Variants in RBM26 observed in about 807,000 individuals in gnomAD.
The protein encoded by RBM26 is RNA-binding protein 26.
In RBM26, 30 loss-of-function variants were observed where a neutral mutation model predicts 123.6. The ratio of observed to expected loss-of-function variants is 0.24; its 90% confidence interval spans 0.18 to 0.33. RBM26 has a LOEUF of 0.33. Among genes scored for constraint, RBM26 ranks in the 10% least tolerant of loss-of-function variants. RBM26 has a pLI of 1.00. For synonymous variants in RBM26, 400 were observed against 404.4 expected (o/e 0.99, Z 0.13); for missense variants, 947 against 1,203.6 (o/e 0.79, Z 3.15).
downstream of RBM26, among the ~76,000 whole-genome samples, chr13:79,315,261 G>A (rs1259178507): frequency 2.6e-5 from 4 of 151,666 alleles, no homozygotes; most frequent in South Asian, 2.1e-4. Context: ...TTTTCATTGC[G>A]AAAACTACTT....
intron 1 of RBM26, among the ~76,000 whole-genome samples, chr13:79,400,409 T>C (rs962946568): frequency 1.1e-4 from 16 of 143,874 alleles, no homozygotes; most frequent in African/African-American, 3.7e-4. Context: ...AGGTCTCCCA[T>C]AGCAGAAGTC....
chr13:79,401,033 A>G (rs2079019826), intron 1 of RBM26, among the ~76,000 whole-genome samples: 1 of 152,226 alleles, frequency 6.6e-6, no homozygotes, highest in African/African-American at 2.4e-5. Flanking sequence ...TTTTTCCTAA[A>G]GAATGGGAAA....
At chr13:79,317,301 CAACGAT>C (rs1262927023), downstream of RBM26, among the ~76,000 whole-genome samples, 1 of 151,532 alleles carries the variant, frequency 6.6e-6, no homozygotes, top group African/African-American at 2.4e-5. Flanking sequence ...TAGAAAACAA[CAACGAT>C]AACAGGGAGA....
Position 79,373,701 on chromosome 13 carries a change from T to TTATA in RBM26, c.328-1775_328-1772dup, listed in dbSNP as rs532123942. Among the ~76,000 whole-genome samples the TTATA allele has an allele frequency of 3.8e-4, 28 of 73,398 alleles. 1 individual carries two copies. The highest frequency in any genetic ancestry group is 1.3e-3 in the East Asian group (5 of 3,914). The allele number at this position is 73,398 out of a possible 152,430, so 48.2% of individuals were successfully genotyped here. Reference sequence around the variant, plus strand: ...ACTATATATAATAATATATAATATTTTATATATATATATTACTATATATAA... The same window carrying TTATA: ...ACTATATATAATAATATATAATATTTTATATATATATATATATTACTATATATAA... On this transcript the variant is annotated intron_variant, in intron 3 of 21. Coordinates refer to ENST00000438737, the MANE Select transcript of RBM26 (RefSeq NM_001366735.2).
chr13:79,333,321 C>T (rs2069733265), intron 20 of RBM26, among the ~76,000 whole-genome samples: 1 of 150,932 alleles, frequency 6.6e-6, no homozygotes. Context: ...AATATACTAC[C>T]CCCTACCTCT....
chr13:79,391,636 C>T (rs2140397465), intron 1 of RBM26, among the ~76,000 whole-genome samples: 1 of 152,170 alleles, frequency 6.6e-6, no homozygotes, highest in South Asian at 2.1e-4. Context: ...GTTGGCCAGG[C>T]TGGTCTCGAA....
At position 79,377,379 on chromosome 13, in the gene RBM26, C is replaced by T; in HGVS notation, c.327G>A (p.Glu109=). The change falls in exon 3 of 22, where the codon GAG becomes GAA. Residue 109 remains glutamate, a splice_region_variant and synonymous_variant. Coordinates refer to ENST00000438737, the MANE Select transcript of RBM26 (RefSeq NM_001366735.2). ...GTAAGGTATTAACACAAATCGTTAC[C>T]TCTTCCTTCTTTATATCTTTTTCTT... The part of the protein sequence containing the change: ...PHQEKDIKKE[E]ITKEEEREKK... The T allele has an allele frequency of 6.2e-7, 1 of 1,612,932 alleles. No homozygotes were observed. The highest frequency in any genetic ancestry group is 8.5e-7 in the Non-Finnish European group (1 of 1,179,076).
intron 13 of RBM26, 124 bp from the exon 14 acceptor site, chr13:79,353,348 A>G (rs2073530710): frequency 1.6e-5 from 7 of 450,854 alleles, no homozygotes; most frequent in Non-Finnish European, 2.3e-5. Context: ...CTAACCACAA[A>G]AACTTGGTCC....
chr13:79,373,278 T>TTATATATTTATTATATATATA, intron 3 of RBM26, among the ~76,000 whole-genome samples: 1 of 108,278 alleles, frequency 9.2e-6, no homozygotes, highest in African/African-American at 3.7e-5. Flanking sequence ...TCTAATGTAT[T>TTATATATTTATTATATATATA]TATATATTTA....
intron 14 of RBM26, among the ~76,000 whole-genome samples, chr13:79,351,429 C>G (rs9318625): frequency 1.3e-4 from 19 of 151,716 alleles, no homozygotes. Flanking sequence ...TTATTTTCAA[C>G]GAGGATAAAC....
chr13:79,372,139 C>T (rs2075954792), intron 3 of RBM26, among the ~76,000 whole-genome samples: 1 of 151,984 alleles, frequency 6.6e-6, no homozygotes, highest in Non-Finnish European at 1.5e-5. Flanking sequence ...ATTAGCTGGG[C>T]ACAGTGGCAG....
Position 79,319,402 on chromosome 13 carries a change from TATCAACTTTCA to T in RBM26, c.*1208_*1218del, listed in dbSNP as rs1289656116. 1 of 984,460 alleles carries T rather than the reference TATCAACTTTCA, an allele frequency of 1.0e-6. No homozygotes were observed. Among genetic ancestry groups the T allele is most frequent in the African/African-American group, 1.7e-5 (1 of 57,146 alleles). 61.0% of individuals were successfully genotyped at this position (984,460 alleles called of 1,614,324 possible). A position where few individuals can be genotyped will look rare whatever the true frequency, so the allele number is the denominator to read the frequency against. On this transcript the variant is annotated 3_prime_UTR_variant, in exon 22 of 22. Transcript: ENST00000438737. ...TGCATTTATTTCCTGGAAACTGCCA[TATCAACTTTCA>T]ATGATCATGTTCACTTGCAAAAGAA...
chr13:79,354,213 G>A (rs1326550304), intron 13 of RBM26, among the ~76,000 whole-genome samples: 1 of 151,496 alleles, frequency 6.6e-6, no homozygotes, highest in Non-Finnish European at 1.5e-5. Context: ...TAACTGGAGA[G>A]AGGAATTTAA....
intron 3 of RBM26, among the ~76,000 whole-genome samples, 184 bp from the exon 4 acceptor site, chr13:79,372,114 A>G (rs2075951572): frequency 6.6e-6 from 1 of 151,964 alleles, no homozygotes; most frequent in South Asian, 2.1e-4. Flanking sequence ...CCCTGTCTCT[A>G]CTAAAAATAC....
intron 1 of RBM26, among the ~76,000 whole-genome samples, chr13:79,381,884 T>C (rs1290878058): frequency 6.6e-6 from 1 of 152,112 alleles, no homozygotes; most frequent in Non-Finnish European, 1.5e-5. Context: ...CAGATGACTT[T>C]TTAACATTTG....
At chr13:79,394,899 G>T (rs950908431) in intron 1 of RBM26, among the ~76,000 whole-genome samples, 1 of 152,228 alleles carries the variant, frequency 6.6e-6, no homozygotes, top group African/African-American at 2.4e-5. Flanking sequence ...CTCCCAGAGT[G>T]CTGGGATTAC....
chr13:79,345,241 T>C (rs2072120872), intron 14 of RBM26, among the ~76,000 whole-genome samples: 2 of 151,986 alleles, frequency 1.3e-5, no homozygotes, highest in South Asian at 4.1e-4. Context: ...ATTGCATTCA[T>C]TCTCCAATCC....
At chr13:79,353,958 G>C (rs750476680) in intron 13 of RBM26, among the ~76,000 whole-genome samples, 1 of 152,162 alleles carries the variant, frequency 6.6e-6, no homozygotes, top group African/African-American at 2.4e-5. Context: ...AGTTATGAGA[G>C]AGCAGTCTAA....
chr13:79,371,000 A>G lies in RBM26; in HGVS notation c.579T>C (p.Arg193=), dbSNP rs372823596. Residue 193 remains arginine (R), a synonymous_variant, in exon 5 of 22, where the codon CGT becomes CGC. Transcript: ENST00000438737. ...RSRSWSKERL[R]ERDRDRSRTR... ...TCCTGCTTCTATCTCTGTCCCTCTC[A>G]CGAAGCCTCTCTTTACTCCAACTTC... 6.3e-7 allele frequency: 1 copy of G among 1,596,330 alleles called. No homozygotes were observed. Among genetic ancestry groups the G allele is most frequent in the Non-Finnish European group, 8.6e-7 (1 of 1,163,920 alleles).
Sources: gnomAD v4.1 joint callset for allele counts (sites outside exome capture counted in the v4.1 genomes callset) on GRCh38, gnomAD v4.1.1 for gene constraint, MANE v1.5 for transcripts, NCBI Gene and HGNC (gene_info 2026-07-23, HGNC 2026-07-21) for gene names.